ZNF782: variants seen among roughly 807,000 people sequenced by gnomAD.
The protein encoded by ZNF782 is zinc finger protein 782.
ZNF782 carries 12 observed loss-of-function variants against 13.0 expected under a neutral mutation model. The ratio of observed to expected loss-of-function variants is 0.92; its 90% CI spans 0.59 to 1.50. The LOEUF is 1.50. Ranked by LOEUF, ZNF782 falls within the 40% of genes most tolerant of loss-of-function variation. The pLI is 0.00. For synonymous variants in ZNF782, 284 were observed against 283.0 expected (o/e 1.00, Z -0.04); for missense variants, 770 against 822.9 (o/e 0.94, Z 0.79).
At chr9:96,919,957 T>C in the ZNF782 span, among the ~76,000 whole-genome samples, 1,599 of 151,702 alleles carry the variant, frequency 0.011, 38 homozygotes, top group African/African-American at 0.036. Context: ...AAAATAGTAA[T>C]ATAAGATTAT....
upstream of ZNF782, among the ~76,000 whole-genome samples, chr9:96,876,134 T>C (rs1032791376): frequency 1.3e-5 from 2 of 152,138 alleles, no homozygotes; most frequent in East Asian, 1.9e-4. Context: ...CAAATCCCGA[T>C]TGGAAAAAAC....
intron 5 of ZNF782, among the ~76,000 whole-genome samples, chr9:96,820,559 C>CT (rs1196759479): frequency 1.5e-4 from 13 of 88,598 alleles, no homozygotes; most frequent in Middle Eastern, 6.5e-3. Context: ...TTTTTTTTTT[C>CT]TTTTTTTTGA....
At chr9:96,846,164 C>G (rs1851334723) in intron 3 of ZNF782, among the ~76,000 whole-genome samples, 1 of 152,188 alleles carries the variant, frequency 6.6e-6, no homozygotes, top group African/African-American at 2.4e-5. Flanking sequence ...TTGTCGTTAC[C>G]AAACCAGCAC....
In ZNF782 at chr9:96,851,995, T is replaced by G. The variant is rs767804666; in HGVS notation, c.-34A>C. 1 of 1,612,066 alleles carries G rather than the reference T, an allele frequency of 6.2e-7. No individual in the cohort carries two copies. Among genetic ancestry groups the G allele is most frequent in the Non-Finnish European group, 8.5e-7 (1 of 1,178,388 alleles). On this transcript the variant is annotated 5_prime_UTR_variant, in exon 3 of 6. Transcript: ENST00000481138. ...GCTCTTGGGAGAGTATAGAGAACTG[T>G]AAAGCCTCAGCTGGGGGGACAGAAA...
chr9:96,918,342 G>A, the ZNF782 span, among the ~76,000 whole-genome samples: 2,075 of 148,230 alleles, frequency 0.014, 37 homozygotes, highest in African/African-American at 0.049. Flanking sequence ...CTCCGGAGGC[G>A]GAGGTTGCAG....
In ZNF782 at chr9:96,836,773, T is replaced by C. The variant is rs531797027; in HGVS notation, c.142+8117A>G. Among the ~76,000 whole-genome samples, 4 of 152,222 alleles carry C rather than the reference T, an allele frequency of 2.6e-5. No homozygotes were observed. The East Asian group carries it at 7.7e-4, about 29-fold the overall frequency. ...TTGGGTCATGGGAGTAGATCCCTCATGAACAGATTAATGCCCTCCCAAAGG... is the reference window on the plus strand; with the variant it reads ...TTGGGTCATGGGAGTAGATCCCTCACGAACAGATTAATGCCCTCCCAAAGG... On this transcript the variant is annotated intron_variant, in intron 4 of 5. Coordinates refer to ENST00000481138, the MANE Select transcript of ZNF782 (RefSeq NM_001001662.3).
At chr9:96,925,305 G>A in the ZNF782 span, among the ~76,000 whole-genome samples, 30 of 151,656 alleles carry the variant, frequency 2.0e-4, no homozygotes, top group African/African-American at 7.3e-4. Flanking sequence ...GCCAGGCGAC[G>A]CCTTCTCCTT....
chr9:96,926,433 G>A, the ZNF782 span, among the ~76,000 whole-genome samples: 1 of 152,264 alleles, frequency 6.6e-6, no homozygotes, highest in Non-Finnish European at 1.5e-5. Flanking sequence ...ATTGCTCTCC[G>A]TTGATCTTCT....
chr9:96,870,527 G>C (rs1851812000), intron 1 of ZNF782, among the ~76,000 whole-genome samples: 1 of 152,170 alleles, frequency 6.6e-6, no homozygotes, highest in Non-Finnish European at 1.5e-5. Context: ...TCATAGAAAA[G>C]AATGGGACCT....
rs986208316 is a variant in ZNF782, at chr9:96,850,210, G to A, written c.15+1737C>T. ...ATAAATGAAAAAGAAACCAGCACAC[G>A]TTTGTAGCAGCACGATTCACAATTG... On this transcript the variant is annotated intron_variant, in intron 3 of 5. Coordinates refer to ENST00000481138, the MANE Select transcript of ZNF782 (RefSeq NM_001001662.3). This position sits in a 1 kb window ranked among gnomAD's most constrained non-coding sequence, Gnocchi z 4.3. Among the ~76,000 whole-genome samples the A allele has an allele frequency of 6.6e-6, 1 of 152,160 alleles. No homozygotes were observed. Among genetic ancestry groups the A allele is most frequent in the South Asian group, 2.1e-4 (1 of 4,830 alleles).
chr9:96,837,677 T>C (rs1273770247), intron 4 of ZNF782, among the ~76,000 whole-genome samples: 2 of 152,206 alleles, frequency 1.3e-5, no homozygotes, highest in Non-Finnish European at 1.5e-5. Context: ...TACATTTCCA[T>C]CTTATTGTTG....
chr9:96,879,443 C>A (rs142326720), upstream of ZNF782, among the ~76,000 whole-genome samples: 12,145 of 152,228 alleles, frequency 0.08, 1,483 homozygotes, highest in African/African-American at 0.27. Context: ...GCAGAGCTTG[C>A]GGTGAGCCCA....
At chr9:96,901,756 T>G in the ZNF782 span, among the ~76,000 whole-genome samples, 1 of 151,198 alleles carries the variant, frequency 6.6e-6, no homozygotes, top group Non-Finnish European at 1.5e-5. Context: ...GGCACACACC[T>G]GTAATCCCAG....
the ZNF782 span, among the ~76,000 whole-genome samples, chr9:96,901,088 A>C: frequency 6.7e-6 from 1 of 148,426 alleles, no homozygotes; most frequent in Non-Finnish European, 1.5e-5. Context: ...TGAACCAGGG[A>C]GGCAGAGGTT....
chr9:96,883,152 G>A, the ZNF782 span, among the ~76,000 whole-genome samples: 3 of 152,124 alleles, frequency 2.0e-5, no homozygotes, highest in African/African-American at 4.8e-5. Context: ...AACTAAACAC[G>A]AAACACCAAG....
chr9:96,844,091 C>A (rs1233931355), intron 4 of ZNF782, among the ~76,000 whole-genome samples: 1 of 152,092 alleles, frequency 6.6e-6, no homozygotes, highest in African/African-American at 2.4e-5. Context: ...GCAAAATTTT[C>A]CAAATAATGG....
At chr9:96,911,150 A>T in the ZNF782 span, among the ~76,000 whole-genome samples, 1 of 148,696 alleles carries the variant, frequency 6.7e-6, no homozygotes, top group East Asian at 2.1e-4. Context: ...AAAAACTTGT[A>T]AAAAAAGGGC....
chr9:96,821,573 AT>A (rs1277946532), intron 5 of ZNF782, among the ~76,000 whole-genome samples: 1 of 152,210 alleles, frequency 6.6e-6, no homozygotes, highest in African/African-American at 2.4e-5. Context: ...AGAAAAAATT[AT>A]CATCATTCAA....
the ZNF782 span, chr9:96,896,118 G>A: frequency 6.6e-6 from 1 of 152,176 alleles, no homozygotes; most frequent in African/African-American, 2.4e-5. Context: ...AATTTCAGCT[G>A]CTGTTCCAAA....
Sources: allele counts gnomAD v4.1 joint callset (sites outside exome capture counted in the v4.1 genomes callset), GRCh38; gene constraint gnomAD v4.1.1; non-coding constraint Gnocchi (gnomAD v3.1); transcripts MANE v1.5; gene names NCBI Gene and HGNC (gene_info 2026-07-23, HGNC 2026-07-21).